RBFOX1: variants seen among roughly 807,000 people sequenced by gnomAD.
RBFOX1 encodes RNA binding fox-1 homolog 1.
In RBFOX1, 8 loss-of-function variants were observed where a neutral mutation model predicts 57.7. The ratio of observed to expected loss-of-function variants is 0.14; its 90% CI spans 0.08 to 0.25. The LOEUF is 0.25. Ranked by LOEUF, RBFOX1 falls within the 10% of genes least tolerant of loss-of-function variation. The probability of loss-of-function intolerance (pLI) is 1.00; values close to 1 mark genes in which losing one functional copy is unlikely to be tolerated. For missense variants in RBFOX1, 611 were observed against 548.5 expected (o/e 1.11, Z -1.14); for synonymous variants, 326 against 222.4 (o/e 1.47, Z -4.15).
chr16:6,667,116 G>T (rs2098737895), intron 3 of RBFOX1, among the ~76,000 whole-genome samples: 1 of 152,108 alleles, frequency 6.6e-6, no homozygotes, highest in Admixed American at 6.5e-5. Context: ...GTGGTGGGTT[G>T]GGGGAGAGGG....
At chr16:5,323,611 A>T (rs558467076) in intron 1 of RBFOX1, among the ~76,000 whole-genome samples, 2 of 152,268 alleles carry the variant, frequency 1.3e-5, no homozygotes, top group Non-Finnish European at 2.9e-5. Context: ...TTTTAAAGCA[A>T]TAGCTTCATT....
At chr16:6,660,921 GATCCT>G (rs958430825) in intron 3 of RBFOX1, among the ~76,000 whole-genome samples, 4 of 152,124 alleles carry the variant, frequency 2.6e-5, no homozygotes, top group African/African-American at 9.7e-5. Context: ...AAAGGAAGAG[GATCCT>G]TGGTGTAGGT....
chr16:5,625,575 C>G (rs1163984224), intron 3 of RBFOX1, among the ~76,000 whole-genome samples: 2 of 56,178 alleles, frequency 3.6e-5, no homozygotes, highest in Admixed American at 4.0e-4. Flanking sequence ...TATTTATTTT[C>G]GAGATGGAGT....
At position 7,337,358 on chromosome 16, in the gene RBFOX1, G is replaced by C. The variant is rs937455138; in HGVS notation, c.28-180789G>C. On this transcript the variant is annotated intron_variant, in intron 4 of 15. Transcript: ENST00000550418. ...AGGAAGGGAACTGGTATTTGAGTTG[G>C]GCTGTGAAGCATTAGTAGGCATTCA... is the stretch of plus-strand genomic sequence containing the variant. 2.7e-4 allele frequency among the ~76,000 whole-genome samples: 41 copies of C among 152,102 alleles called. 1 individual carries two copies. The highest frequency in any genetic ancestry group is 8.2e-4 in the African/African-American group (34 of 41,426).
intron 2 of RBFOX1, among the ~76,000 whole-genome samples, chr16:6,633,735 G>A (rs1236266650): frequency 6.6e-6 from 1 of 152,138 alleles, no homozygotes; most frequent in East Asian, 1.9e-4. Context: ...CTAGCCAGGC[G>A]CTGTAGCTCA....
intron 1 of RBFOX1, among the ~76,000 whole-genome samples, chr16:6,046,293 G>A (rs1316083463): frequency 6.6e-6 from 1 of 152,148 alleles, no homozygotes; most frequent in African/African-American, 2.4e-5. Flanking sequence ...CTGACAGATA[G>A]GGGGATGAGG....
chr16:6,216,115 A>T (rs1387024082), intron 1 of RBFOX1, among the ~76,000 whole-genome samples: 1 of 152,122 alleles, frequency 6.6e-6, no homozygotes, highest in Non-Finnish European at 1.5e-5. Flanking sequence ...AATAACGCAC[A>T]CCGGGGCCTT....
intron 4 of RBFOX1, among the ~76,000 whole-genome samples, chr16:7,412,310 G>C (rs1568725382): frequency 6.6e-6 from 1 of 151,750 alleles, no homozygotes; most frequent in East Asian, 2.0e-4. Flanking sequence ...AGCTCCTCAT[G>C]AGGCTGAGGC....
At chr16:7,302,911 A>G (rs548327742) in intron 4 of RBFOX1, among the ~76,000 whole-genome samples, 90 of 152,270 alleles carry the variant, frequency 5.9e-4, no homozygotes, top group African/African-American at 1.9e-3. Flanking sequence ...CAAGAGCAGA[A>G]TGTTAATTTG....
chr16:5,349,455 C>T (rs1021581475), intron 1 of RBFOX1, among the ~76,000 whole-genome samples: 1 of 152,182 alleles, frequency 6.6e-6, no homozygotes, highest in Non-Finnish European at 1.5e-5. Context: ...CAGCGGATTA[C>T]TCAAGGTCAG....
At chr16:7,693,940 C>G (rs2077995645) in intron 14 of RBFOX1, among the ~76,000 whole-genome samples, 1 of 152,114 alleles carries the variant, frequency 6.6e-6, no homozygotes, top group Non-Finnish European at 1.5e-5. Context: ...CTTAGAGAGA[C>G]CAGGTCTTTT....
intron 3 of RBFOX1, among the ~76,000 whole-genome samples, chr16:5,684,843 G>A (rs914671995): frequency 1.3e-5 from 2 of 152,136 alleles, no homozygotes; most frequent in Admixed American, 6.6e-5. Flanking sequence ...GGTTTCCTGC[G>A]TTATGATGTG....
chr16:5,632,171 C>G (rs937191793), intron 3 of RBFOX1, among the ~76,000 whole-genome samples: 3 of 152,184 alleles, frequency 2.0e-5, no homozygotes, highest in African/African-American at 7.2e-5. Flanking sequence ...TGGTACCTAT[C>G]ACATGTATGC....
At chr16:7,436,022 G>A (rs1451307990) in intron 4 of RBFOX1, among the ~76,000 whole-genome samples, 2 of 152,092 alleles carry the variant, frequency 1.3e-5, no homozygotes, top group Non-Finnish European at 2.9e-5. Flanking sequence ...AATTTTTAGG[G>A]AGGGTGGGGC....
chr16:5,644,621 G>A (rs2151339467), intron 3 of RBFOX1, among the ~76,000 whole-genome samples: 1 of 152,314 alleles, frequency 6.6e-6, no homozygotes, highest in East Asian at 1.9e-4. Flanking sequence ...GGTTGGCAAT[G>A]TTGCTGATTC....
chr16:5,798,567 C>G (rs949553370), intron 3 of RBFOX1, among the ~76,000 whole-genome samples: 10 of 152,122 alleles, frequency 6.6e-5, no homozygotes, highest in African/African-American at 2.4e-4. Flanking sequence ...GGCATCTGCG[C>G]TAAATGATTG....
At chr16:7,218,079 C>CTG (rs146860986) in intron 4 of RBFOX1, among the ~76,000 whole-genome samples, 3,765 of 149,868 alleles carry the variant, frequency 0.025, 119 homozygotes, top group African/African-American at 0.07. Context: ...GTGTGTGCGT[C>CTG]TGTGTGTGTG....
intron 1 of RBFOX1, among the ~76,000 whole-genome samples, chr16:6,284,998 G>C (rs765869442): frequency 3.3e-5 from 5 of 152,118 alleles, no homozygotes; most frequent in South Asian, 2.1e-4. Flanking sequence ...AGGAACAAGG[G>C]CTTCAAAGAA....
At chr16:6,874,871 A>G (rs1037523605) in intron 3 of RBFOX1, among the ~76,000 whole-genome samples, 1 of 152,240 alleles carries the variant, frequency 6.6e-6, no homozygotes, top group Admixed American at 6.5e-5. Flanking sequence ...GAACTTACCC[A>G]TGTAAGGAAC....
Sources: allele counts gnomAD v4.1 joint callset (sites outside exome capture counted in the v4.1 genomes callset), GRCh38; gene constraint gnomAD v4.1.1; transcripts MANE v1.5; gene names NCBI Gene and HGNC (gene_info 2026-07-23, HGNC 2026-07-21).